The following PLXNA4 variants were observed in gnomAD, a reference collection of about 807,000 sequenced individuals.
The protein encoded by PLXNA4 is plexin A4, also known as plexin-A4.
In PLXNA4, 44 loss-of-function variants were observed where a neutral mutation model predicts 191.8. The observed-to-expected ratio is 0.23, with a 90% CI of 0.18 to 0.29. PLXNA4 has a LOEUF of 0.29. Among genes scored for constraint, PLXNA4 ranks in the 10% least tolerant of loss-of-function variants. The pLI, the probability that PLXNA4 is intolerant of heterozygous loss-of-function variation, is 1.00. For missense variants in PLXNA4, 1,800 were observed against 2,488.8 expected (o/e 0.72, Z 5.89); for synonymous variants, 1,082 against 1,009.5 (o/e 1.07, Z -1.36).
intron 3 of PLXNA4, among the ~76,000 whole-genome samples, chr7:132,460,765 T>C (rs1456791754): frequency 1.3e-5 from 2 of 152,164 alleles, no homozygotes; most frequent in Admixed American, 1.3e-4. Context: ...ACCACAAGGA[T>C]GATTTTGGTT....
chr7:132,234,780 G>T (rs1798643533), intron 5 of PLXNA4, among the ~76,000 whole-genome samples: 1 of 152,066 alleles, frequency 6.6e-6, no homozygotes, highest in African/African-American at 2.4e-5. Flanking sequence ...TGGAACAGAG[G>T]CTGATAGCTT....
chr7:132,192,591 A>T (rs1281718558), intron 14 of PLXNA4, among the ~76,000 whole-genome samples: 1 of 151,768 alleles, frequency 6.6e-6, no homozygotes, highest in East Asian at 1.9e-4. Flanking sequence ...GAGGAAGGAG[A>T]ATGAAAGCCA....
chr7:132,452,636 G>A (rs1440174388), intron 3 of PLXNA4, among the ~76,000 whole-genome samples: 10 of 152,106 alleles, frequency 6.6e-5, no homozygotes, highest in East Asian at 3.9e-4. Context: ...CTACCCTCTC[G>A]CTTCTGTGGG....
At chr7:132,311,411 C>T (rs530556674) in intron 3 of PLXNA4, among the ~76,000 whole-genome samples, 2 of 152,224 alleles carry the variant, frequency 1.3e-5, no homozygotes, top group South Asian at 4.2e-4. Context: ...CTGTCTTCCC[C>T]ACTCCCTAGG....
intron 2 of PLXNA4, among the ~76,000 whole-genome samples, chr7:132,623,352 AT>A (rs66644526): frequency 4.7e-4 from 71 of 151,072 alleles, no homozygotes; most frequent in African/African-American, 1.5e-3. Context: ...ATCTCAAAAA[AT>A]AAAATAAAAT....
rs371684264 is a variant in PLXNA4 at position 132,185,376 on chromosome 7, C to A, written c.3081G>T (p.Lys1027Asn). 9 of 1,614,028 alleles carry A rather than the reference C, an allele frequency of 5.6e-6. No individual in the cohort carries two copies. In the African/African-American group the frequency reaches 1.2e-4, roughly 22 times the overall value. ...MKVSVQVDRA[K>N]IHQDLVFQYV... Reference sequence around the variant, plus strand: ...ACTGAAAGACCAGGTCCTGGTGGATCTTGGCCCTGTCCACCTGCACCGACA... The same window carrying A: ...ACTGAAAGACCAGGTCCTGGTGGATATTGGCCCTGTCCACCTGCACCGACA... Residue 1027 changes from lysine to asparagine, a missense_variant, in exon 16 of 32, where the codon AAG becomes AAT. Around this residue, in one of 6 missense-constraint regions of PLXNA4, gnomAD observed 1,397 missense variants for 1,880.4 expected, o/e 0.74. Coordinates refer to ENST00000321063, the MANE Select transcript of PLXNA4 (RefSeq NM_020911.2).
intron 10 of PLXNA4, among the ~76,000 whole-genome samples, chr7:132,209,709 T>C (rs10255805): frequency 0.12 from 18,836 of 151,894 alleles, 1,214 homozygotes; most frequent in African/African-American, 0.14. Flanking sequence ...GCAGGAAGAG[T>C]AGAGTGTCCC....
chr7:132,151,246 AGAGGAAGAAGAAGGAGGAG>A (rs1377244615), intron 25 of PLXNA4, among the ~76,000 whole-genome samples: 5 of 144,634 alleles, frequency 3.5e-5, no homozygotes, highest in South Asian at 2.2e-4. Context: ...AAGAGGATGA[AGAGGAAGAAGAAGGAGGAG>A]GAGGAAGAAG....
intron 24 of PLXNA4, among the ~76,000 whole-genome samples, chr7:132,162,250 C>A (rs372308644): frequency 8.4e-4 from 128 of 152,358 alleles, no homozygotes; most frequent in African/African-American, 3.0e-3. Context: ...TTCCCCAGGC[C>A]TGAAGGTGGC....
At position 132,276,039 on chromosome 7, in the gene PLXNA4, G is replaced by T. The variant is rs58531414; in HGVS notation, c.1503+22052C>A. On this transcript the variant is annotated intron_variant, in intron 4 of 31. Coordinates refer to ENST00000321063, the MANE Select transcript of PLXNA4 (RefSeq NM_020911.2). ...CCCCTCCCTGCAACCCTTAGTCCCA[G>T]TTTCTCTCTATCATGTGACTGTGTT... is the stretch of plus-strand genomic sequence containing the variant. Among the ~76,000 whole-genome samples the T allele has an allele frequency of 1.9e-3, 295 of 152,292 alleles. 1 individual carries two copies. Among genetic ancestry groups the T allele is most frequent in the African/African-American group, 6.7e-3 (277 of 41,566 alleles).
chr7:132,228,499 G>A, intron 5 of PLXNA4, 30 bp from the exon 6 acceptor site: 1 of 1,612,888 alleles, frequency 6.2e-7, no homozygotes, highest in Non-Finnish European at 8.5e-7. Context: ...GAGTTACTCA[G>A]GAGATGGCCG....
intron 1 of PLXNA4, among the ~76,000 whole-genome samples, chr7:132,561,513 CCTCCTT>C (rs1292211302): frequency 4.5e-5 from 6 of 133,086 alleles, no homozygotes; most frequent in Non-Finnish European, 9.6e-5. Flanking sequence ...ACCTCCTCCT[CCTCCTT>C]CTCCTCCTCC....
At chr7:132,640,872 A>G (rs1284920384) in intron 2 of PLXNA4, among the ~76,000 whole-genome samples, 3 of 152,190 alleles carry the variant, frequency 2.0e-5, no homozygotes, top group East Asian at 3.8e-4. Context: ...AGAATCATTT[A>G]GTTTTGTGTT....
intron 9 of PLXNA4, among the ~76,000 whole-genome samples, chr7:132,212,504 T>C (rs946091848): frequency 5.9e-5 from 9 of 152,188 alleles, no homozygotes; most frequent in African/African-American, 2.2e-4. Flanking sequence ...TCTGGAACTC[T>C]GAGCACATCA....
chr7:132,527,539 C>CAAAAAAAAAAAA (rs34598256), intron 1 of PLXNA4, among the ~76,000 whole-genome samples: 1 of 59,716 alleles, frequency 1.7e-5, no homozygotes, highest in Non-Finnish European at 3.1e-5. Context: ...GAAACAGACT[C>CAAAAAAAAAAAA]AAAAAAAAAA....
chr7:132,211,201 C>T (rs1797790124), intron 9 of PLXNA4, 58 bp from the exon 10 acceptor site: 1 of 1,507,968 alleles, frequency 6.6e-7, no homozygotes, highest in South Asian at 1.2e-5. Context: ...GAGCAAGGAC[C>T]TCTGCAGACA....
chr7:132,539,684 G>C (rs1799987482), intron 1 of PLXNA4, among the ~76,000 whole-genome samples: 1 of 152,068 alleles, frequency 6.6e-6, no homozygotes, highest in African/African-American at 2.4e-5. Context: ...CTATTTCACA[G>C]GGTTGTTGGT....
chr7:132,310,258 C>T (rs1801676379), intron 3 of PLXNA4, among the ~76,000 whole-genome samples: 1 of 152,346 alleles, frequency 6.6e-6, no homozygotes, highest in East Asian at 1.9e-4. Flanking sequence ...GCACCTGATA[C>T]ATGCAATATA....
At chr7:132,523,882 G>A (rs1563150956) in intron 1 of PLXNA4, among the ~76,000 whole-genome samples, 1 of 152,140 alleles carries the variant, frequency 6.6e-6, no homozygotes, top group African/African-American at 2.4e-5. Context: ...TCAGGGCAGT[G>A]GAGCAGAGAA....
Sources: allele counts gnomAD v4.1 joint callset (sites outside exome capture counted in the v4.1 genomes callset), GRCh38; gene constraint gnomAD v4.1.1; regional missense constraint gnomAD v4.1.1; transcripts MANE v1.5; gene names NCBI Gene and HGNC (gene_info 2026-07-23, HGNC 2026-07-21).